EVL: variants seen among roughly 807,000 people sequenced by gnomAD.
EVL encodes ena/VASP-like protein.
Under a neutral mutation model 59.6 loss-of-function variants are expected in EVL, and 21 were observed. That is an observed-to-expected ratio of 0.35 (90% CI 0.25 to 0.51). The LOEUF is 0.51. EVL is among the 20% of genes least tolerant of loss of function. The pLI, the probability that EVL is intolerant of heterozygous loss-of-function variation, is 0.97. For missense variants in EVL, 462 were observed against 546.6 expected (o/e 0.85, Z 1.54); for synonymous variants, 198 against 203.5 (o/e 0.97, Z 0.23).
chr14:99,985,137 T>C (rs1283346388), intron 1 of EVL, among the ~76,000 whole-genome samples: 2 of 151,796 alleles, frequency 1.3e-5, no homozygotes, highest in Non-Finnish European at 2.9e-5. Flanking sequence ...TTGACAGATA[T>C]ATATATATTG....
chr14:100,003,659 A>C (rs1037295053), intron 1 of EVL, among the ~76,000 whole-genome samples: 1 of 152,024 alleles, frequency 6.6e-6, no homozygotes, highest in Non-Finnish European at 1.5e-5. Flanking sequence ...TTGGGTGATC[A>C]CTGCCCTCCT....
In EVL at chr14:99,979,072, A is replaced by G. The variant is rs529115508; in HGVS notation, c.5+7015A>G. ...TGTATTTTCATATTTTCATTGAGAA[A>G]TCGTTTTTTGAAGGCTTACTGTTGT... is the stretch of plus-strand genomic sequence containing the variant. On this transcript the variant is annotated intron_variant, in intron 1 of 13. Transcript: ENST00000402714. Among the ~76,000 whole-genome samples the G allele has an allele frequency of 5.9e-5, 9 of 152,258 alleles. No individual in the cohort carries two copies. The East Asian group carries it at 1.2e-3, about 20-fold the overall frequency.
At chr14:100,102,087 C>T (rs1886257498) in intron 3 of EVL, among the ~76,000 whole-genome samples, 1 of 152,214 alleles carries the variant, frequency 6.6e-6, no homozygotes, top group Admixed American at 6.5e-5. Context: ...ATCCGCCCAC[C>T]TCAGCCTCCC....
intron 1 of EVL, among the ~76,000 whole-genome samples, chr14:100,054,242 A>G (rs895530310): frequency 6.6e-6 from 1 of 151,540 alleles, no homozygotes; most frequent in South Asian, 2.1e-4. Context: ...TTTAGCAGAG[A>G]TGGGGTTTCA....
At chr14:100,097,709 C>T (rs753354021) in intron 3 of EVL, 51 bp downstream of exon 3, 1 of 1,525,202 alleles carries the variant, frequency 6.6e-7, no homozygotes, top group Non-Finnish European at 8.9e-7. Flanking sequence ...CTTGTTCTAC[C>T]TCTGCCCTCC....
In EVL at chr14:100,108,731, C is replaced by T. The variant is rs954464230; in HGVS notation, c.358+11073C>T. On this transcript the variant is annotated intron_variant, in intron 3 of 13. Coordinates refer to ENST00000392920, the MANE Select transcript of EVL (RefSeq NM_016337.3). This position sits in a 1 kb window ranked among gnomAD's most constrained non-coding sequence, Gnocchi z 4.1. Reference sequence around the variant, plus strand: ...CACTCGTCCTGTCAGAATGTGGCTCCACAGATGGAGCCTTTCCCAGCCGCC... The same window carrying T: ...CACTCGTCCTGTCAGAATGTGGCTCTACAGATGGAGCCTTTCCCAGCCGCC... Among the ~76,000 whole-genome samples, 7 of 152,180 alleles carry T rather than the reference C, an allele frequency of 4.6e-5. No individual in the cohort carries two copies. The highest frequency in any genetic ancestry group is 1.4e-4 in the African/African-American group (6 of 41,434).
At chr14:100,119,748 G>A (rs1406564216) in intron 3 of EVL, among the ~76,000 whole-genome samples, 1 of 152,192 alleles carries the variant, frequency 6.6e-6, no homozygotes, top group Non-Finnish European at 1.5e-5. Flanking sequence ...CACTGTTAGC[G>A]TTAGTGTATT....
intron 5 of EVL, among the ~76,000 whole-genome samples, chr14:100,128,058 C>A (rs1041862284): frequency 1.1e-4 from 17 of 152,186 alleles, no homozygotes; most frequent in African/African-American, 3.4e-4. Context: ...TGCCCCCAGT[C>A]GGCCCTGGGA....
Position 100,125,169 on chromosome 14 carries a change from T to TACACACAC in EVL, c.423-1519_423-1512dup, listed in dbSNP as rs34405834. On this transcript the variant is annotated intron_variant, in intron 4 of 13. Transcript: ENST00000392920. Reference sequence around the variant, plus strand: ...ACACACACCTGCCCCAAGGCAGGAATACACACACACACACACACACACACA... The same window carrying TACACACAC: ...ACACACACCTGCCCCAAGGCAGGAATACACACACACACACACACACACACACACACACA... 8.5e-3 allele frequency among the ~76,000 whole-genome samples: 880 copies of TACACACAC among 103,130 alleles called. 55 individuals are homozygous for TACACACAC. The highest frequency in any genetic ancestry group is 0.037 in the African/African-American group (801 of 21,670). 67.7% of individuals were successfully genotyped at this position (103,130 alleles called of 152,430 possible).
chr14:100,078,658 G>A (rs998005107), intron 1 of EVL, among the ~76,000 whole-genome samples: 1 of 152,174 alleles, frequency 6.6e-6, no homozygotes, highest in African/African-American at 2.4e-5. Context: ...AGGGAGTGAA[G>A]TCCAGTCGTA....
At chr14:100,132,609 C>T (rs1427072744) in intron 7 of EVL, 110 bp from the exon 8 acceptor site, 15 of 1,237,876 alleles carry the variant, frequency 1.2e-5, no homozygotes, top group Non-Finnish European at 1.7e-5. Flanking sequence ...TTTTCCCACA[C>T]AGGTTTATCT....
chr14:100,054,157 C>T (rs1224320968), intron 1 of EVL, among the ~76,000 whole-genome samples: 2 of 146,338 alleles, frequency 1.4e-5, no homozygotes, highest in Non-Finnish European at 3.0e-5. Context: ...CAGGTTCAAG[C>T]GATTCTCCTG....
intron 13 of EVL, 143 bp from the exon 14 acceptor site, chr14:100,143,558 T>C: frequency 4.1e-6 from 4 of 973,906 alleles, no homozygotes; most frequent in Non-Finnish European, 4.7e-6. Flanking sequence ...CCCAGAGGTC[T>C]ATGCCAAAGC....
At chr14:100,019,604 G>C (rs1015833738) in intron 1 of EVL, 2 of 1,446,754 alleles carry the variant, frequency 1.4e-6, no homozygotes, top group Admixed American at 2.2e-5. Flanking sequence ...CTAACTAAAT[G>C]GTTGTCCTCC....
chr14:100,069,000 A>G (rs2061994339), intron 1 of EVL, among the ~76,000 whole-genome samples: 1 of 152,122 alleles, frequency 6.6e-6, no homozygotes, highest in African/African-American at 2.4e-5. Context: ...AGCACGTACT[A>G]TCTTCTAACG....
At chr14:100,133,727 C>T (rs759026846) in intron 8 of EVL, among the ~76,000 whole-genome samples, 4 of 152,144 alleles carry the variant, frequency 2.6e-5, no homozygotes, top group African/African-American at 4.8e-5. Flanking sequence ...CACCTGAGGT[C>T]AGGAGTTTGA....
At chr14:99,983,908 T>C (rs533754861) in intron 1 of EVL, among the ~76,000 whole-genome samples, 1 of 152,310 alleles carries the variant, frequency 6.6e-6, no homozygotes, top group African/African-American at 2.4e-5. Context: ...TTTATATGTA[T>C]GTAATTACTT....
At position 99,989,742 on chromosome 14, in the gene EVL, A is replaced by G. The variant is rs2060863452; in HGVS notation, c.5+17685A>G. 2.0e-5 allele frequency among the ~76,000 whole-genome samples: 3 copies of G among 152,328 alleles called. No individual in the cohort carries two copies. The Middle Eastern group carries it at 0.01, about 518-fold the overall frequency. On this transcript the variant is annotated intron_variant, in intron 1 of 13. Transcript: ENST00000402714. ...TCATTATTGTGGAAAGTTCTAATAG[A>G]CAGTGCTGGTCTAATACCTGACATA...
At chr14:100,055,607 A>G (rs1450967297) in intron 1 of EVL, among the ~76,000 whole-genome samples, 1 of 152,226 alleles carries the variant, frequency 6.6e-6, no homozygotes, top group Non-Finnish European at 1.5e-5. Flanking sequence ...TTTCTCCAGC[A>G]TTCTGAAGAT....
Sources: gnomAD v4.1 joint callset for allele counts (sites outside exome capture counted in the v4.1 genomes callset) on GRCh38, gnomAD v4.1.1 for gene constraint, Gnocchi (gnomAD v3.1) non-coding constraint, MANE v1.5 for transcripts, NCBI Gene and HGNC (gene_info 2026-07-23, HGNC 2026-07-21) for gene names.